The following TYR variants were observed in gnomAD, a reference collection of about 807,000 sequenced individuals.
TYR encodes the protein tyrosinase.
Under a neutral mutation model 51.5 loss-of-function variants are expected in TYR, and 58 were observed. The ratio of observed to expected loss-of-function variants is 1.13; its 90% CI spans 0.91 to 1.40. The LOEUF (loss-of-function observed/expected upper bound fraction) is 1.40, where lower values mean the gene tolerates loss of function less well. Among genes scored for constraint, TYR ranks in the 40% most tolerant of loss-of-function variants. The pLI, the probability that TYR is intolerant of heterozygous loss-of-function variation, is 0.00. For synonymous variants in TYR, 263 were observed against 235.2 expected (o/e 1.12, Z -1.08); for missense variants, 732 against 647.4 (o/e 1.13, Z -1.42).
At chr11:89,199,547 T>C (rs907530359) in intron 2 of TYR, among the ~76,000 whole-genome samples, 1 of 152,188 alleles carries the variant, frequency 6.6e-6, no homozygotes, top group East Asian at 1.9e-4. Flanking sequence ...AACACTGATA[T>C]TGAAGACATA....
chr11:89,214,434 G>A (rs1245992062), intron 2 of TYR, among the ~76,000 whole-genome samples: 1 of 152,154 alleles, frequency 6.6e-6, no homozygotes, highest in African/African-American at 2.4e-5. Flanking sequence ...ACTGCTGGTG[G>A]GAGTGTAAAT....
intron 3 of TYR, among the ~76,000 whole-genome samples, chr11:89,265,222 T>A (rs1463417429): frequency 2.0e-5 from 3 of 151,974 alleles, no homozygotes; most frequent in Non-Finnish European, 2.9e-5. Flanking sequence ...ATAAAAACAA[T>A]GATTCTCACT....
At chr11:89,193,752 T>C (rs1205480725) in intron 2 of TYR, among the ~76,000 whole-genome samples, 1 of 152,208 alleles carries the variant, frequency 6.6e-6, no homozygotes, top group African/African-American at 2.4e-5. Flanking sequence ...TTAAAATTAT[T>C]TTTTCTTAAA....
At chr11:89,178,863 C>A in intron 1 of TYR, 91 bp downstream of exon 1, 1 of 1,281,166 alleles carries the variant, frequency 7.8e-7, no homozygotes, top group Non-Finnish European at 1.1e-6. Context: ...CCTGAACACT[C>A]ATTGCAGCCC....
At chr11:89,182,323 G>A (rs79430523) in intron 1 of TYR, among the ~76,000 whole-genome samples, 2,157 of 152,232 alleles carry the variant, frequency 0.014, 49 homozygotes, top group African/African-American at 0.05. Context: ...AACTCTGCAT[G>A]GGTAGATTTC....
At chr11:89,264,792 G>A (rs1022163662) in intron 3 of TYR, among the ~76,000 whole-genome samples, 7 of 150,770 alleles carry the variant, frequency 4.6e-5, no homozygotes, top group Non-Finnish European at 8.9e-5. Flanking sequence ...ACATGGATGA[G>A]CAGTGTTCTT....
intron 2 of TYR, among the ~76,000 whole-genome samples, chr11:89,202,145 A>C (rs1381607823): frequency 6.6e-6 from 1 of 152,100 alleles, no homozygotes; most frequent in Admixed American, 6.6e-5. Flanking sequence ...ATTTGTATTT[A>C]TATATTAAAC....
At chr11:89,185,471 G>T (rs186224829) in intron 1 of TYR, among the ~76,000 whole-genome samples, 3 of 152,232 alleles carry the variant, frequency 2.0e-5, no homozygotes, top group Admixed American at 6.5e-5. Flanking sequence ...CATCAACAGG[G>T]TGCTAGAAAC....
At chr11:89,209,696 A>T (rs1251924696) in intron 2 of TYR, among the ~76,000 whole-genome samples, 1 of 152,160 alleles carries the variant, frequency 6.6e-6, no homozygotes, top group South Asian at 2.1e-4. Flanking sequence ...ACTGGGAGAC[A>T]CTACCCAGTA....
chr11:89,180,311 A>G (rs1177431287), intron 1 of TYR, among the ~76,000 whole-genome samples: 1 of 152,176 alleles, frequency 6.6e-6, no homozygotes, highest in Non-Finnish European at 1.5e-5. Context: ...GCTTTATTTA[A>G]CTATGTGGCT....
At chr11:89,285,158 C>A (rs1230773478) in intron 4 of TYR, among the ~76,000 whole-genome samples, 2 of 151,556 alleles carry the variant, frequency 1.3e-5, no homozygotes, top group Non-Finnish European at 2.9e-5. Context: ...TTTTGCTTAA[C>A]ATAGGCCATT....
At chr11:89,284,344 A>T (rs1480740738) in intron 3 of TYR, among the ~76,000 whole-genome samples, 1 of 151,872 alleles carries the variant, frequency 6.6e-6, no homozygotes, top group Non-Finnish European at 1.5e-5. Flanking sequence ...AATCATTGAA[A>T]GCCTCCCACC....
At chr11:89,210,366 T>TCAGTGATC (rs373562368) in intron 2 of TYR, among the ~76,000 whole-genome samples, 28,682 of 116,722 alleles carry the variant, frequency 0.25, 3,571 homozygotes, top group African/African-American at 0.48. Flanking sequence ...AAGAAAGGAT[T>TCAGTGATC]GAAGATCAAA....
intron 2 of TYR, among the ~76,000 whole-genome samples, chr11:89,197,202 C>T (rs1410893298): frequency 2.0e-5 from 3 of 152,134 alleles, no homozygotes; most frequent in East Asian, 1.9e-4. Flanking sequence ...AGAAGTTCTA[C>T]GTGGCTAGAA....
At chr11:89,219,189 T>C (rs115871615) in intron 2 of TYR, among the ~76,000 whole-genome samples, 2,551 of 152,142 alleles carry the variant, frequency 0.017, 68 homozygotes, top group African/African-American at 0.059. Flanking sequence ...TTCCAAACAA[T>C]AGACTAGGAC....
chr11:89,238,403 T>G (rs1175160639), intron 3 of TYR, among the ~76,000 whole-genome samples: 1 of 152,142 alleles, frequency 6.6e-6, no homozygotes, highest in Non-Finnish European at 1.5e-5. Flanking sequence ...TCATTGTTAG[T>G]GTATGGAAAT....
intron 2 of TYR, among the ~76,000 whole-genome samples, chr11:89,205,058 G>C (rs979881590): frequency 1.3e-5 from 2 of 151,892 alleles, no homozygotes; most frequent in African/African-American, 4.8e-5. Context: ...GACTTCGCAA[G>C]AAAATGGAAG....
intron 4 of TYR, among the ~76,000 whole-genome samples, chr11:89,287,774 T>C (rs1267400623): frequency 1.3e-5 from 2 of 151,926 alleles, no homozygotes; most frequent in Admixed American, 6.6e-5. Flanking sequence ...AGAAAAATTT[T>C]AGTAGTTGGA....
intron 2 of TYR, 75 bp from the exon 3 acceptor site, chr11:89,227,748 A>AATCAAGTTATAGATTTAT: frequency 7.6e-7 from 1 of 1,310,384 alleles, no homozygotes; most frequent in South Asian, 1.2e-5. Flanking sequence ...TATAGTTATA[A>AATCAAGTTATAGATTTAT]ATCAAATGGG....
Sources: allele counts gnomAD v4.1 joint callset (sites outside exome capture counted in the v4.1 genomes callset), GRCh38; gene constraint gnomAD v4.1.1; transcripts MANE v1.5; gene names NCBI Gene and HGNC (gene_info 2026-07-23, HGNC 2026-07-21).